MPPED2: variants seen among roughly 807,000 people sequenced by gnomAD.
The protein encoded by MPPED2 is metallophosphoesterase MPPED2.
Under a neutral mutation model 33.0 loss-of-function variants are expected in MPPED2, and 5 were observed. The observed-to-expected ratio is 0.15, with a 90% CI of 0.08 to 0.32. MPPED2 has a LOEUF of 0.32. Ranked by LOEUF, MPPED2 falls within the 10% of genes least tolerant of loss-of-function variation. The probability of loss-of-function intolerance (pLI) is 1.00; values close to 1 mark genes in which losing one functional copy is unlikely to be tolerated. For synonymous variants in MPPED2, 136 were observed against 141.9 expected (o/e 0.96, Z 0.29); for missense variants, 275 against 372.1 (o/e 0.74, Z 2.15).
intron 2 of MPPED2, among the ~76,000 whole-genome samples, chr11:30,536,442 C>T (rs189502061): frequency 6.6e-6 from 1 of 152,192 alleles, no homozygotes; most frequent in East Asian, 1.9e-4. Flanking sequence ...TCTGAAATAA[C>T]CCAGGAAACT....
At chr11:30,447,776 T>C (rs1949875853) in intron 4 of MPPED2, among the ~76,000 whole-genome samples, 1 of 152,166 alleles carries the variant, frequency 6.6e-6, no homozygotes, top group Non-Finnish European at 1.5e-5. Flanking sequence ...TCAGAATGAA[T>C]CTTTACTTCA....
Position 30,582,103 on chromosome 11 carries a change from A to G in MPPED2, c.-121-1609T>C, listed in dbSNP as rs190593255. Among the ~76,000 whole-genome samples, 25 of 152,288 alleles carry G rather than the reference A, an allele frequency of 1.6e-4. 1 individual carries two copies. The highest frequency in any genetic ancestry group is 1.4e-3 in the Admixed American group (21 of 15,304). ...AGCTGTTTCCTTAATTTCTCCCACA[A>G]TTATATTTTACTGTTATTTTGCATA... On this transcript the variant is annotated intron_variant, in intron 1 of 6. Transcript: ENST00000358117.
chr11:30,475,193 C>T (rs1477881400), intron 4 of MPPED2, among the ~76,000 whole-genome samples: 1 of 152,072 alleles, frequency 6.6e-6, no homozygotes, highest in African/African-American at 2.4e-5. Flanking sequence ...TTCTTACATT[C>T]TTCAAATATT....
At chr11:30,398,658 T>C (rs570625444) in intron 6 of MPPED2, among the ~76,000 whole-genome samples, 1 of 152,298 alleles carries the variant, frequency 6.6e-6, no homozygotes, top group Non-Finnish European at 1.5e-5. Context: ...CTCTCTTTTA[T>C]TGATCAAATT....
chr11:30,534,727 G>T (rs970212589), intron 3 of MPPED2, among the ~76,000 whole-genome samples: 1 of 152,094 alleles, frequency 6.6e-6, no homozygotes, highest in African/African-American at 2.4e-5. Flanking sequence ...ATTAAGTATA[G>T]TATTTTTCCC....
chr11:30,523,110 T>C (rs1042431553), intron 3 of MPPED2, among the ~76,000 whole-genome samples: 4 of 151,354 alleles, frequency 2.6e-5, no homozygotes, highest in Admixed American at 6.6e-5. Context: ...CTGAAGACTT[T>C]CACGCAAAAC....
intron 3 of MPPED2, among the ~76,000 whole-genome samples, chr11:30,519,273 G>A (rs1247931277): frequency 6.6e-6 from 1 of 151,872 alleles, no homozygotes; most frequent in Non-Finnish European, 1.5e-5. Flanking sequence ...TGTCTCAAAA[G>A]CAAACAAACA....
chr11:30,535,246 C>T (rs958104979), intron 3 of MPPED2, among the ~76,000 whole-genome samples: 6 of 152,048 alleles, frequency 3.9e-5, no homozygotes, highest in African/African-American at 9.7e-5. Context: ...GACAATGTTA[C>T]GCTCCCAGAG....
In MPPED2 at chr11:30,571,730, T is replaced by A. The variant is rs189076237; in HGVS notation, c.128+8516A>T. 3.2e-4 allele frequency among the ~76,000 whole-genome samples: 49 copies of A among 152,326 alleles called. No homozygotes were observed. The East Asian group carries it at 9.1e-3, about 28-fold the overall frequency. On this transcript the variant is annotated intron_variant, in intron 2 of 6. Coordinates refer to ENST00000358117, the MANE Select transcript of MPPED2 (RefSeq NM_001584.3). ...CAAGACTCAGTAAGCTTCTCCTTTT[T>A]GGAAACAGTTCAGAATAATCTAGAG... is the stretch of plus-strand genomic sequence containing the variant.
At chr11:30,403,246 CA>C (rs757620790) in intron 6 of MPPED2, among the ~76,000 whole-genome samples, 101 of 107,620 alleles carry the variant, frequency 9.4e-4, no homozygotes, top group African/African-American at 8.7e-4. Context: ...GACTCCGTCT[CA>C]AAAAAAAAAA....
intron 4 of MPPED2, among the ~76,000 whole-genome samples, chr11:30,467,538 T>C (rs1950760666): frequency 6.6e-6 from 1 of 152,130 alleles, no homozygotes; most frequent in Non-Finnish European, 1.5e-5. Flanking sequence ...CAGTGGCCAG[T>C]GTGGACCACA....
chr11:30,534,239 A>G (rs503468), intron 3 of MPPED2, among the ~76,000 whole-genome samples: 17,366 of 152,218 alleles, frequency 0.11, 1,490 homozygotes, highest in African/African-American at 0.24. Flanking sequence ...CAACATTGTC[A>G]ACGCAGCTCG....
At chr11:30,410,088 T>C, downstream of MPPED2, 8 of 983,512 alleles carry the variant, frequency 8.1e-6, no homozygotes, top group Non-Finnish European at 9.7e-6. Context: ...TAATAAAAAT[T>C]TATTGAAAAT....
chr11:30,550,935 C>A (rs775084321), intron 2 of MPPED2, among the ~76,000 whole-genome samples: 14 of 152,216 alleles, frequency 9.2e-5, no homozygotes, highest in Non-Finnish European at 1.9e-4. Flanking sequence ...AAGTTAACTA[C>A]TTTGCCCCTC....
At chr11:30,419,161 C>A (rs474376) in intron 4 of MPPED2, among the ~76,000 whole-genome samples, 102,767 of 151,960 alleles carry the variant, frequency 0.68, 36,933 homozygotes, top group Non-Finnish European at 0.8. Flanking sequence ...TATTCTAAGC[C>A]CTTTATTTGT....
At chr11:30,498,441 C>G (rs764435959) in intron 3 of MPPED2, among the ~76,000 whole-genome samples, 2 of 151,212 alleles carry the variant, frequency 1.3e-5, no homozygotes, top group Non-Finnish European at 2.9e-5. Flanking sequence ...AAAAATTAGC[C>G]GGGTGTGGTA....
At chr11:30,449,999 T>G (rs1004154528) in intron 4 of MPPED2, among the ~76,000 whole-genome samples, 15 of 152,310 alleles carry the variant, frequency 9.8e-5, no homozygotes, top group South Asian at 4.1e-4. Context: ...CCACTTTTTT[T>G]GGTTTTCAAT....
intron 4 of MPPED2, among the ~76,000 whole-genome samples, chr11:30,437,608 G>T (rs995167140): frequency 6.6e-6 from 1 of 152,128 alleles, no homozygotes; most frequent in African/African-American, 2.4e-5. Flanking sequence ...AAATCTAGTC[G>T]CCAGCCTTCC....
intron 4 of MPPED2, among the ~76,000 whole-genome samples, chr11:30,443,515 G>T (rs1949674272): frequency 6.6e-6 from 1 of 152,102 alleles, no homozygotes; most frequent in African/African-American, 2.4e-5. Context: ...AGAGAAGACG[G>T]GGCAGGGATT....
Sources: allele counts gnomAD v4.1 joint callset (sites outside exome capture counted in the v4.1 genomes callset), GRCh38; gene constraint gnomAD v4.1.1; transcripts MANE v1.5; gene names NCBI Gene and HGNC (gene_info 2026-07-23, HGNC 2026-07-21).